The following GRID2 variants were observed in gnomAD, a reference collection of about 807,000 sequenced individuals.
GRID2 encodes the protein glutamate receptor ionotropic, delta-2.
Under a neutral mutation model 114.8 loss-of-function variants are expected in GRID2, and 33 were observed. The ratio of observed to expected loss-of-function variants is 0.29; its 90% CI spans 0.22 to 0.38. The LOEUF (loss-of-function observed/expected upper bound fraction) is 0.38, where lower values mean the gene tolerates loss of function less well. GRID2 is among the 10% of genes least tolerant of loss of function. GRID2 has a pLI of 1.00. For synonymous variants in GRID2, 505 were observed against 449.9 expected (o/e 1.12, Z -1.55); for missense variants, 1,184 against 1,257.7 (o/e 0.94, Z 0.89).
At chr4:93,746,848 T>C (rs1731881389) in intron 14 of GRID2, among the ~76,000 whole-genome samples, 1 of 152,090 alleles carries the variant, frequency 6.6e-6, no homozygotes, top group Admixed American at 6.6e-5. Context: ...TTCTAATTGG[T>C]CCACTCTGAT....
At chr4:93,068,693 C>CAA (rs5860304) in intron 2 of GRID2, among the ~76,000 whole-genome samples, 51 of 148,466 alleles carry the variant, frequency 3.4e-4, no homozygotes, top group Admixed American at 1.3e-3. Context: ...TTCCTATTTA[C>CAA]AAAAAAAAAA....
At chr4:93,345,283 A>G (rs1760104900) in intron 8 of GRID2, among the ~76,000 whole-genome samples, 1 of 152,046 alleles carries the variant, frequency 6.6e-6, no homozygotes, top group Admixed American at 6.6e-5. Flanking sequence ...ACAGTCTATA[A>G]GCATTCCCTT....
chr4:93,207,764 T>C (rs1742984024), intron 5 of GRID2, among the ~76,000 whole-genome samples: 1 of 151,986 alleles, frequency 6.6e-6, no homozygotes, highest in African/African-American at 2.4e-5. Flanking sequence ...GTAAGCAAAG[T>C]AAACTCCTCC....
At chr4:93,809,825 AC>A (rs1236060632) in exon 2 of GRID2, 3 of 152,188 alleles carry the variant, frequency 2.0e-5, no homozygotes, top group African/African-American at 7.2e-5. Flanking sequence ...TACCTAAAAA[AC>A]ATTAGCAATT....
intron 9 of GRID2, among the ~76,000 whole-genome samples, chr4:93,397,895 GT>G (rs1019459682): frequency 9.9e-5 from 15 of 151,342 alleles, no homozygotes; most frequent in Admixed American, 2.6e-4. Context: ...TTTTTATTGG[GT>G]TTTTTTCCTA....
intron 2 of GRID2, among the ~76,000 whole-genome samples, chr4:92,880,414 T>G (rs905283310): frequency 1.3e-5 from 2 of 152,202 alleles, no homozygotes; most frequent in Non-Finnish European, 2.9e-5. Flanking sequence ...ACAAATTTTT[T>G]TCCACCTTCT....
chr4:93,308,841 A>G (rs1755711712), intron 8 of GRID2, among the ~76,000 whole-genome samples: 1 of 152,224 alleles, frequency 6.6e-6, no homozygotes, highest in Admixed American at 6.5e-5. Context: ...TCAACAGAGT[A>G]TAAAATATTC....
chr4:93,046,362 A>C (rs1294241516), intron 2 of GRID2, among the ~76,000 whole-genome samples: 1 of 152,100 alleles, frequency 6.6e-6, no homozygotes, highest in Non-Finnish European at 1.5e-5. Flanking sequence ...TTTCTTTTAA[A>C]GTTCACATTC....
At chr4:93,400,043 C>T (rs1765724175) in intron 9 of GRID2, among the ~76,000 whole-genome samples, 1 of 152,072 alleles carries the variant, frequency 6.6e-6, no homozygotes, top group South Asian at 2.1e-4. Context: ...TAAGAGTTAA[C>T]TAAATTTCTG....
intron 2 of GRID2, among the ~76,000 whole-genome samples, chr4:92,824,534 T>C (rs1259131307): frequency 6.6e-6 from 1 of 152,088 alleles, no homozygotes. Flanking sequence ...AATAAACTTT[T>C]ATTATTTATT....
intron 10 of GRID2, among the ~76,000 whole-genome samples, chr4:93,440,506 T>A (rs2149391367): frequency 6.6e-6 from 1 of 152,154 alleles, no homozygotes; most frequent in African/African-American, 2.4e-5. Flanking sequence ...TTAAAAAAAA[T>A]ACATGTGGTC....
intron 2 of GRID2, among the ~76,000 whole-genome samples, chr4:92,669,392 A>G (rs925218317): frequency 6.6e-6 from 1 of 151,920 alleles, no homozygotes; most frequent in African/African-American, 2.4e-5. Context: ...TCAGCGTGGT[A>G]GGGTACCTGA....
chr4:92,552,847 T>C (rs780019946), intron 1 of GRID2, among the ~76,000 whole-genome samples: 13 of 152,174 alleles, frequency 8.5e-5, no homozygotes, highest in Non-Finnish European at 1.9e-4. Context: ...CCCTTTGGAA[T>C]TATATAGACT....
chr4:93,223,979 C>T (rs891441203), intron 6 of GRID2, among the ~76,000 whole-genome samples: 2 of 152,018 alleles, frequency 1.3e-5, no homozygotes, highest in Non-Finnish European at 2.9e-5. Flanking sequence ...CATTCACAAA[C>T]AGTTAATAGT....
intron 4 of GRID2, among the ~76,000 whole-genome samples, chr4:93,148,631 G>A (rs12648848): frequency 0.076 from 11,567 of 152,136 alleles, 475 homozygotes; most frequent in East Asian, 0.18. Flanking sequence ...GGAGGTATTA[G>A]TTTAAATATG....
At chr4:92,571,091 T>C (rs1169534314) in intron 1 of GRID2, among the ~76,000 whole-genome samples, 2 of 152,106 alleles carry the variant, frequency 1.3e-5, no homozygotes, top group East Asian at 3.9e-4. Context: ...GTATAGCATA[T>C]ATGGCTGTTA....
intron 8 of GRID2, among the ~76,000 whole-genome samples, chr4:93,360,320 T>C (rs562027521): frequency 1.3e-5 from 2 of 152,138 alleles, no homozygotes; most frequent in African/African-American, 4.8e-5. Flanking sequence ...CGAAATAATG[T>C]ATTCTAACCT....
At chr4:92,896,079 T>C (rs1747142843) in intron 2 of GRID2, among the ~76,000 whole-genome samples, 2 of 152,240 alleles carry the variant, frequency 1.3e-5, no homozygotes, top group Admixed American at 6.5e-5. Context: ...AATTCCATCA[T>C]GACTAAAAGG....
intron 2 of GRID2, among the ~76,000 whole-genome samples, chr4:92,967,650 C>T (rs768411773): frequency 3.3e-5 from 5 of 151,864 alleles, no homozygotes; most frequent in Non-Finnish European, 7.4e-5. Context: ...AATTCAAATT[C>T]AACTGTGATG....
Sources: gnomAD v4.1 joint callset for allele counts (sites outside exome capture counted in the v4.1 genomes callset) on GRCh38, gnomAD v4.1.1 for gene constraint, MANE v1.5 for transcripts, NCBI Gene and HGNC (gene_info 2026-07-23, HGNC 2026-07-21) for gene names.